Variants in DLG2 observed in about 807,000 individuals in gnomAD.
The protein encoded by DLG2 is disks large homolog 2.
DLG2 carries 45 observed loss-of-function variants against 132.5 expected under a neutral mutation model. That is an observed-to-expected ratio of 0.34 (90% CI 0.27 to 0.44). DLG2 has a LOEUF of 0.44. Ranked by LOEUF, DLG2 falls within the 20% of genes least tolerant of loss-of-function variation. The pLI is 1.00. For synonymous variants in DLG2, 424 were observed against 419.6 expected (o/e 1.01, Z -0.13); for missense variants, 1,045 against 1,196.9 (o/e 0.87, Z 1.87).
At chr11:83,716,796 G>A (rs2086809740) in intron 18 of DLG2, among the ~76,000 whole-genome samples, 1 of 151,958 alleles carries the variant, frequency 6.6e-6, no homozygotes, top group South Asian at 2.1e-4. Context: ...AATGTATTTG[G>A]TTTTTTATAA....
chr11:83,758,938 G>A (rs1356851065), intron 18 of DLG2, among the ~76,000 whole-genome samples: 2 of 152,080 alleles, frequency 1.3e-5, no homozygotes, highest in African/African-American at 4.8e-5. Context: ...TAAAAGAGAT[G>A]CTTTCCAAGG....
intron 3 of DLG2, among the ~76,000 whole-genome samples, chr11:85,480,792 G>C (rs1229596121): frequency 6.6e-6 from 1 of 152,152 alleles, no homozygotes; most frequent in Admixed American, 6.5e-5. Context: ...GAGCCTTTAA[G>C]GTTCTGTCTT....
At chr11:84,308,859 C>G (rs1045203420) in intron 7 of DLG2, among the ~76,000 whole-genome samples, 16 of 152,222 alleles carry the variant, frequency 1.1e-4, no homozygotes, top group Non-Finnish European at 1.9e-4. Flanking sequence ...CACGCTCACC[C>G]GGAACTCACG....
intron 6 of DLG2, among the ~76,000 whole-genome samples, chr11:84,839,098 C>G (rs985256044): frequency 6.6e-6 from 1 of 151,954 alleles, no homozygotes; most frequent in African/African-American, 2.4e-5. Context: ...AAAACCCCAT[C>G]GTCTCAGCCC....
intron 18 of DLG2, among the ~76,000 whole-genome samples, chr11:83,691,069 G>A (rs2080908211): frequency 6.6e-6 from 1 of 152,134 alleles, no homozygotes; most frequent in Admixed American, 6.5e-5. Flanking sequence ...CTGGACATGT[G>A]CACGTTGCAG....
chr11:84,437,745 T>G (rs1021938238), intron 7 of DLG2: 1 of 152,226 alleles, frequency 6.6e-6, no homozygotes, highest in Admixed American at 6.5e-5. Context: ...ACACATCCAG[T>G]TGGCTAAGTA....
At chr11:84,648,231 GCATAGAAGAAGAAACCCCCTT>G (rs927240918) in intron 6 of DLG2, among the ~76,000 whole-genome samples, 2 of 152,294 alleles carry the variant, frequency 1.3e-5, no homozygotes, top group African/African-American at 2.4e-5. Context: ...ACTTGGAGAT[GCATAGAAGAAGAAACCCCCTT>G]CATAGAAGAA....
chr11:85,029,130 G>A lies in DLG2; in HGVS notation c.357+82531C>T, dbSNP rs561936852. Among the ~76,000 whole-genome samples the A allele has an allele frequency of 4.6e-5, 7 of 151,992 alleles. No individual in the cohort carries two copies. In the East Asian group the frequency reaches 1.4e-3, roughly 29 times the overall value. On this transcript the variant is annotated intron_variant, in intron 6 of 27. Coordinates refer to ENST00000376104, the MANE Select transcript of DLG2 (RefSeq NM_001142699.3). The stretch of plus-strand genomic sequence containing the variant: ...AGTTGCAATAAGTTCTGATTTATTA[G>A]AGAAATAAACATTTACTAGGCAAAG...
intron 6 of DLG2, among the ~76,000 whole-genome samples, chr11:85,073,499 G>A (rs1038284492): frequency 2.6e-5 from 4 of 151,762 alleles, no homozygotes; most frequent in Non-Finnish European, 4.4e-5. Context: ...AGTAATAAAT[G>A]GTGGTAGTAA....
chr11:83,612,369 T>A (rs1251973314), intron 19 of DLG2, among the ~76,000 whole-genome samples: 1 of 152,218 alleles, frequency 6.6e-6, no homozygotes, highest in African/African-American at 2.4e-5. Context: ...AGGGATTAAA[T>A]AAGGTTAAAT....
At chr11:83,569,763 A>T (rs2096767138) in intron 19 of DLG2, among the ~76,000 whole-genome samples, 1 of 152,254 alleles carries the variant, frequency 6.6e-6, no homozygotes, top group Admixed American at 6.5e-5. Context: ...CTGCCTAGAC[A>T]GGGGGCTGGT....
chr11:85,402,955 C>T (rs1359017747), intron 3 of DLG2, among the ~76,000 whole-genome samples: 3 of 152,140 alleles, frequency 2.0e-5, no homozygotes, highest in East Asian at 1.9e-4. Context: ...GGATCTAGAA[C>T]TGGCAATACC....
At chr11:83,959,181 C>T (rs1166854956) in intron 14 of DLG2, among the ~76,000 whole-genome samples, 1 of 151,936 alleles carries the variant, frequency 6.6e-6, no homozygotes, top group Non-Finnish European at 1.5e-5. Context: ...ATAAAACTTC[C>T]CAGTTTATGC....
intron 6 of DLG2, among the ~76,000 whole-genome samples, chr11:84,867,366 T>C (rs958473840): frequency 1.3e-5 from 2 of 152,210 alleles, no homozygotes; most frequent in Admixed American, 6.5e-5. Context: ...GAATGAGCCA[T>C]GGTGAACAGA....
chr11:83,542,122 T>C (rs533289156), intron 19 of DLG2, among the ~76,000 whole-genome samples: 283 of 152,232 alleles, frequency 1.9e-3, no homozygotes, highest in Admixed American at 3.4e-3. Context: ...GACCATCAGA[T>C]GTTAGAAGGT....
At chr11:84,173,388 A>G (rs1208415292) in intron 8 of DLG2, among the ~76,000 whole-genome samples, 2 of 152,214 alleles carry the variant, frequency 1.3e-5, no homozygotes, top group African/African-American at 4.8e-5. Flanking sequence ...CAATGGTTGT[A>G]AGGCATCATG....
chr11:84,505,110 C>G (rs997897434), intron 7 of DLG2, among the ~76,000 whole-genome samples: 1 of 151,986 alleles, frequency 6.6e-6, no homozygotes, highest in African/African-American at 2.4e-5. Flanking sequence ...CTTTCTATAC[C>G]TCAGTTATGA....
chr11:84,151,384 G>A (rs1248458064), intron 9 of DLG2, among the ~76,000 whole-genome samples: 1 of 152,050 alleles, frequency 6.6e-6, no homozygotes, highest in Non-Finnish European at 1.5e-5. Flanking sequence ...ATTTCTGTGG[G>A]ATCAGTTGTG....
intron 7 of DLG2, among the ~76,000 whole-genome samples, chr11:84,508,853 C>A (rs1005233863): frequency 6.6e-6 from 1 of 152,088 alleles, no homozygotes; most frequent in Non-Finnish European, 1.5e-5. Context: ...CATCATTGTA[C>A]CTTCAGTACC....
Sources: gnomAD v4.1 joint callset for allele counts (sites outside exome capture counted in the v4.1 genomes callset) on GRCh38, gnomAD v4.1.1 for gene constraint, MANE v1.5 for transcripts, NCBI Gene and HGNC (gene_info 2026-07-23, HGNC 2026-07-21) for gene names.